ADAMTS17: variants seen among roughly 807,000 people sequenced by gnomAD.
ADAMTS17 encodes ADAM metallopeptidase with thrombospondin type 1 motif 17.
In ADAMTS17, 113 loss-of-function variants were observed where a neutral mutation model predicts 141.5. That is an observed-to-expected ratio of 0.80 (90% CI 0.69 to 0.93). The LOEUF (loss-of-function observed/expected upper bound fraction) is 0.93. ADAMTS17 is among the 40% of genes least tolerant of loss of function. The probability of loss-of-function intolerance (pLI) is 0.00; values close to 1 mark genes in which losing one functional copy is unlikely to be tolerated. For synonymous variants in ADAMTS17, 768 were observed against 630.6 expected (o/e 1.22, Z -3.27); for missense variants, 1,659 against 1,517.9 (o/e 1.09, Z -1.54).
chr15:100,178,716 G>A (rs2040422191), intron 8 of ADAMTS17, among the ~76,000 whole-genome samples: 1 of 152,028 alleles, frequency 6.6e-6, no homozygotes, highest in African/African-American at 2.4e-5. Context: ...GCTTATTTCA[G>A]CCATTCTTTA....
intron 3 of ADAMTS17, among the ~76,000 whole-genome samples, chr15:100,326,861 G>A (rs2045916239): frequency 6.6e-6 from 1 of 152,208 alleles, no homozygotes; most frequent in African/African-American, 2.4e-5. Context: ...GCGGAGCCAG[G>A]TGAGGACAGA....
intron 7 of ADAMTS17, among the ~76,000 whole-genome samples, chr15:100,220,785 T>C (rs2042109469): frequency 6.6e-6 from 1 of 152,250 alleles, no homozygotes; most frequent in Admixed American, 6.5e-5. Flanking sequence ...CTTTTGTGAC[T>C]GGCTTCTTTC....
intron 18 of ADAMTS17, among the ~76,000 whole-genome samples, chr15:100,042,939 ATATATG>A (rs1458370347): frequency 6.6e-6 from 1 of 152,236 alleles, no homozygotes; most frequent in Non-Finnish European, 1.5e-5. Context: ...TAATACATAT[ATATATG>A]TATATGGTGC....
intron 10 of ADAMTS17, among the ~76,000 whole-genome samples, chr15:100,144,791 C>A (rs1194022829): frequency 6.8e-6 from 1 of 146,856 alleles, no homozygotes; most frequent in Non-Finnish European, 1.5e-5. Flanking sequence ...TGAGAAACGC[C>A]ACCCCCGAGA....
rs903618213 is a variant in ADAMTS17, at chr15:100,063,829, G to A, written c.2138-9775C>T. 81 of 1,122,146 alleles carry A rather than the reference G, an allele frequency of 7.2e-5. No homozygotes were observed. The African/African-American group carries it at 8.8e-4, about 12-fold the overall frequency. 69.5% of individuals were successfully genotyped at this position (1,122,146 alleles called of 1,614,324 possible). A position where few individuals can be genotyped will look rare whatever the true frequency, so the allele number is the denominator to read the frequency against. On this transcript the variant is annotated intron_variant, in intron 15 of 21. Coordinates refer to ENST00000268070, the MANE Select transcript of ADAMTS17 (RefSeq NM_139057.4). ...CACCAGAGGCCGTGCAGCATCCCCC[G>A]GCCAAAATCTAGCTACCAAGCCCCC...
chr15:100,000,243 A>G (rs1368660641), intron 18 of ADAMTS17, among the ~76,000 whole-genome samples: 1 of 152,136 alleles, frequency 6.6e-6, no homozygotes, highest in East Asian at 1.9e-4. Context: ...AATTCTACAC[A>G]TTTCTCCTAG....
At chr15:100,280,393 T>G (rs2142075164) in intron 4 of ADAMTS17, among the ~76,000 whole-genome samples, 1 of 151,852 alleles carries the variant, frequency 6.6e-6, no homozygotes, top group Middle Eastern at 3.4e-3. Context: ...CACTCCAACC[T>G]CTCCCACACT....
rs531660159 is a variant in ADAMTS17, at chr15:100,205,917, T to C, written c.1076-6494A>G. Among the ~76,000 whole-genome samples the C allele has an allele frequency of 8.2e-3, 1,251 of 152,216 alleles. 12 individuals carry two copies. Among genetic ancestry groups the C allele is most frequent in the Non-Finnish European group, 0.014 (927 of 67,996 alleles). On this transcript the variant is annotated intron_variant, in intron 7 of 21. Coordinates refer to ENST00000268070, the MANE Select transcript of ADAMTS17 (RefSeq NM_139057.4). ...AGCTGTGCCAGGGACCGAGCCCAGG[T>C]CTGGCCCCTCCAGAGGGCAAACAAG...
intron 6 of ADAMTS17, among the ~76,000 whole-genome samples, chr15:100,260,521 G>C (rs1016990736): frequency 6.6e-6 from 1 of 151,910 alleles, no homozygotes; most frequent in African/African-American, 2.4e-5. Flanking sequence ...GGCTGAGGCA[G>C]GAGAATCACT....
chr15:100,292,309 A>T (rs552610931), intron 3 of ADAMTS17, among the ~76,000 whole-genome samples: 1 of 150,362 alleles, frequency 6.7e-6, no homozygotes, highest in African/African-American at 2.5e-5. Context: ...CCCGTGTGAA[A>T]CTACGAGAGA....
chr15:100,125,979 T>G (rs951565822), intron 12 of ADAMTS17: 1 of 152,130 alleles, frequency 6.6e-6, no homozygotes, highest in Non-Finnish European at 1.5e-5. Flanking sequence ...GAGACCTACA[T>G]AGCAGTGAAT....
intron 4 of ADAMTS17, among the ~76,000 whole-genome samples, chr15:100,272,812 G>A (rs1219231095): frequency 6.6e-6 from 1 of 151,302 alleles, no homozygotes; most frequent in Admixed American, 6.6e-5. Flanking sequence ...ACCACGGAGT[G>A]TATTATTAGC....
chr15:100,293,452 T>G (rs1168029121), intron 3 of ADAMTS17, among the ~76,000 whole-genome samples: 1 of 152,222 alleles, frequency 6.6e-6, no homozygotes, highest in African/African-American at 2.4e-5. Context: ...AATGCTTTTT[T>G]TTCTGTACCT....
At chr15:100,294,216 T>G (rs1269335322) in intron 3 of ADAMTS17, among the ~76,000 whole-genome samples, 1 of 152,204 alleles carries the variant, frequency 6.6e-6, no homozygotes, top group Non-Finnish European at 1.5e-5. Flanking sequence ...GTCTAAGTAC[T>G]GATTTGAAAA....
intron 15 of ADAMTS17, among the ~76,000 whole-genome samples, chr15:100,081,230 G>C (rs770610511): frequency 1.3e-5 from 2 of 152,184 alleles, no homozygotes; most frequent in African/African-American, 4.8e-5. Context: ...TCCTGCCCTG[G>C]AACATCAGAC....
chr15:100,101,214 C>G (rs1331471070), intron 14 of ADAMTS17, among the ~76,000 whole-genome samples: 2 of 152,188 alleles, frequency 1.3e-5, no homozygotes, highest in Non-Finnish European at 2.9e-5. Context: ...AAATGCCATG[C>G]CACCTGCTCA....
chr15:100,048,790 C>G, intron 18 of ADAMTS17, 67 bp downstream of exon 18: 1 of 1,610,354 alleles, frequency 6.2e-7, no homozygotes, highest in Non-Finnish European at 8.5e-7. Flanking sequence ...GCATATCACT[C>G]CCCACCACTG....
chr15:100,153,203 C>T (rs2039269698), intron 9 of ADAMTS17, among the ~76,000 whole-genome samples: 1 of 152,218 alleles, frequency 6.6e-6, no homozygotes, highest in Non-Finnish European at 1.5e-5. Flanking sequence ...TCCAACTCTT[C>T]AGGTTCTTTT....
chr15:100,190,814 A>G (rs1294174899), intron 8 of ADAMTS17, among the ~76,000 whole-genome samples: 21 of 152,220 alleles, frequency 1.4e-4, no homozygotes, highest in Admixed American at 1.4e-3. Flanking sequence ...TGTCTTTTCA[A>G]GTAAAGGTGA....
Sources: allele counts gnomAD v4.1 joint callset (sites outside exome capture counted in the v4.1 genomes callset), GRCh38; gene constraint gnomAD v4.1.1; transcripts MANE v1.5; gene names NCBI Gene and HGNC (gene_info 2026-07-23, HGNC 2026-07-21).